GAP43: variants seen among roughly 807,000 people sequenced by gnomAD.
GAP43 encodes the protein growth associated protein 43, also known as neuromodulin.
In GAP43, 6 loss-of-function variants were observed where a neutral mutation model predicts 18.6. The ratio of observed to expected loss-of-function variants is 0.32; its 90% CI spans 0.18 to 0.64. The LOEUF is 0.64. Among genes scored for constraint, GAP43 ranks in the 30% least tolerant of loss-of-function variants. The probability of loss-of-function intolerance (pLI) is 0.78; values close to 1 mark genes in which losing one functional copy is unlikely to be tolerated. For synonymous variants in GAP43, 115 were observed against 111.4 expected, an observed-to-expected ratio of 1.03 and a Z score of -0.20; for missense variants, 292 against 295.5, an observed-to-expected ratio of 0.99 and a Z score of 0.09.
chr3:115,719,100 A>T (rs991910602), intron 2 of GAP43, among the ~76,000 whole-genome samples: 1 of 152,198 alleles, frequency 6.6e-6, no homozygotes, highest in Non-Finnish European at 1.5e-5. Context: ...CTTTCAAGCT[A>T]TGTCTGTTAT....
chr3:115,677,278 C>G (rs1708904710), intron 2 of GAP43, among the ~76,000 whole-genome samples: 1 of 152,114 alleles, frequency 6.6e-6, no homozygotes, highest in Non-Finnish European at 1.5e-5. Context: ...AGAAAAACCC[C>G]AAATACAGAA....
chr3:115,698,265 A>AATATATATAATATATAATAT (rs1559804506), intron 2 of GAP43, among the ~76,000 whole-genome samples: 1 of 11,654 alleles, frequency 8.6e-5, no homozygotes, highest in South Asian at 3.1e-3. Context: ...ATATATATAA[A>AATATATATAATATATAATAT]ATATATATTA....
At chr3:115,627,571 T>G (rs12487740) in intron 1 of GAP43, among the ~76,000 whole-genome samples, 51,105 of 151,774 alleles carry the variant, frequency 0.34, 8,863 homozygotes, top group Non-Finnish European at 0.39. Flanking sequence ...AGGGTACTGG[T>G]GTTCTTTCAG....
In GAP43 at chr3:115,623,565, A is replaced by G. The variant is rs1708140879; in HGVS notation, c.-125A>G. ...GAGGGAGAGAGAGGGAGGGAGGGAGAGAGAGCGCGCTAGCGCGAGAGAGCG... is the reference window on the plus strand; with the variant it reads ...GAGGGAGAGAGAGGGAGGGAGGGAGGGAGAGCGCGCTAGCGCGAGAGAGCG... On this transcript the variant is annotated 5_prime_UTR_variant, in exon 1 of 3. Coordinates refer to ENST00000305124, the MANE Select transcript of GAP43 (RefSeq NM_002045.4). 5 of 1,246,236 alleles carry G rather than the reference A, an allele frequency of 4.0e-6. No homozygotes were observed. The highest frequency in any genetic ancestry group is 4.6e-6 in the Non-Finnish European group (4 of 866,918). The allele number at this position is 1,246,236 out of a possible 1,614,324, so 77.2% of individuals were successfully genotyped here. A position where few individuals can be genotyped will look rare whatever the true frequency, so the allele number is the denominator to read the frequency against.
intron 1 of GAP43, chr3:115,663,741 T>C: frequency 6.4e-7 from 1 of 1,550,692 alleles, no homozygotes; most frequent in Non-Finnish European, 8.7e-7. Context: ...CCTAGTCTTT[T>C]AGACAGTGAA....
At chr3:115,631,887 T>C (rs573578521) in intron 1 of GAP43, among the ~76,000 whole-genome samples, 2 of 152,084 alleles carry the variant, frequency 1.3e-5, no homozygotes, top group Non-Finnish European at 2.9e-5. Flanking sequence ...TCTCAAAGTG[T>C]TGGGATTACA....
At chr3:115,700,082 G>A (rs1421346836) in intron 2 of GAP43, among the ~76,000 whole-genome samples, 1 of 152,196 alleles carries the variant, frequency 6.6e-6, no homozygotes, top group Non-Finnish European at 1.5e-5. Flanking sequence ...GAGAAAAGCA[G>A]CTTCTGACAG....
chr3:115,705,901 C>T (rs1358246012), intron 2 of GAP43, among the ~76,000 whole-genome samples: 1 of 152,036 alleles, frequency 6.6e-6, no homozygotes, highest in African/African-American at 2.4e-5. Flanking sequence ...GGGTGGAGGT[C>T]GGTGCTAACT....
At chr3:115,698,133 T>C (rs866550637) in intron 2 of GAP43, among the ~76,000 whole-genome samples, 3 of 9,412 alleles carry the variant, frequency 3.2e-4, no homozygotes, top group East Asian at 0.017. Flanking sequence ...TTATATATAA[T>C]ATATATAATA....
At chr3:115,684,501 C>T (rs1380479343) in intron 2 of GAP43, among the ~76,000 whole-genome samples, 3 of 152,148 alleles carry the variant, frequency 2.0e-5, no homozygotes, top group Non-Finnish European at 4.4e-5. Flanking sequence ...TATACACACA[C>T]ATTCAATATG....
intron 2 of GAP43, among the ~76,000 whole-genome samples, chr3:115,698,110 T>A (rs1709230559): frequency 3.9e-5 from 1 of 25,778 alleles, no homozygotes. Flanking sequence ...ATATATAAAA[T>A]ATATAATATA....
At chr3:115,674,983 C>A (rs1708862050) in intron 1 of GAP43, among the ~76,000 whole-genome samples, 1 of 152,154 alleles carries the variant, frequency 6.6e-6, no homozygotes. Context: ...TATACAAAGT[C>A]CTTCTCAAAA....
At chr3:115,717,669 C>CTT (rs56359297) in intron 2 of GAP43, among the ~76,000 whole-genome samples, 19 of 135,632 alleles carry the variant, frequency 1.4e-4, no homozygotes, top group Non-Finnish European at 2.7e-4. Flanking sequence ...AAGGATTTTG[C>CTT]TTTTTTTTTT....
intron 1 of GAP43, among the ~76,000 whole-genome samples, chr3:115,660,813 G>T (rs1196576497): frequency 6.6e-6 from 1 of 152,194 alleles, no homozygotes; most frequent in African/African-American, 2.4e-5. Context: ...GATGTTGCTG[G>T]TCCACATGTG....
At chr3:115,647,219 C>T (rs1346495446) in intron 1 of GAP43, among the ~76,000 whole-genome samples, 1 of 151,938 alleles carries the variant, frequency 6.6e-6, no homozygotes, top group Non-Finnish European at 1.5e-5. Flanking sequence ...CATGAGAAGG[C>T]TCGGTCTATT....
intron 2 of GAP43, among the ~76,000 whole-genome samples, chr3:115,710,568 G>C (rs1379902804): frequency 6.6e-6 from 1 of 151,998 alleles, no homozygotes; most frequent in African/African-American, 2.4e-5. Flanking sequence ...ATTTGGTTTA[G>C]TTCAAATCTC....
chr3:115,682,005 TG>T (rs1448361567), intron 2 of GAP43, among the ~76,000 whole-genome samples: 1 of 152,160 alleles, frequency 6.6e-6, no homozygotes, highest in Admixed American at 6.6e-5. Flanking sequence ...CCCAACAATG[TG>T]TTATAATATA....
intron 2 of GAP43, among the ~76,000 whole-genome samples, chr3:115,693,604 GT>G (rs1384195952): frequency 1.3e-5 from 2 of 152,122 alleles, no homozygotes; most frequent in Non-Finnish European, 2.9e-5. Flanking sequence ...TCAATTTAGA[GT>G]GTCTACTCTG....
chr3:115,629,307 G>A (rs138345068), intron 1 of GAP43, among the ~76,000 whole-genome samples: 112 of 151,918 alleles, frequency 7.4e-4, no homozygotes, highest in African/African-American at 2.6e-3. Flanking sequence ...TGCAAATCGG[G>A]TTTTGTTATT....
Sources: allele counts gnomAD v4.1 joint callset (sites outside exome capture counted in the v4.1 genomes callset), GRCh38; gene constraint gnomAD v4.1.1; transcripts MANE v1.5; gene names NCBI Gene and HGNC (gene_info 2026-07-23, HGNC 2026-07-21).